The following FAM120C variants were observed in gnomAD, a reference collection of about 807,000 sequenced individuals.
The protein encoded by FAM120C is family with sequence similarity 120 member C.
A neutral mutation model predicts 71.2 loss-of-function variants in FAM120C; 14 were observed. The ratio of observed to expected loss-of-function variants is 0.20; its 90% CI spans 0.13 to 0.31. The LOEUF is 0.31. Ranked by LOEUF, FAM120C falls within the 10% of genes least tolerant of loss-of-function variation. The pLI is 1.00. For synonymous variants in FAM120C, 354 were observed against 353.2 expected (o/e 1.00, Z -0.03); for missense variants, 500 against 879.0 (o/e 0.57, Z 5.45).
intron 1 of FAM120C, among the ~76,000 whole-genome samples, chrX:54,181,650 T>C (rs2067350499): frequency 9.0e-6 from 1 of 111,716 alleles, no homozygotes; most frequent in African/African-American, 3.3e-5. Context: ...CTCATTCAAA[T>C]CCAATCCACC....
chrX:54,143,802 C>G (rs1557132036), intron 4 of FAM120C, among the ~76,000 whole-genome samples: 2 of 111,829 alleles, frequency 1.8e-5, no homozygotes, highest in Non-Finnish European at 3.8e-5. Flanking sequence ...GGAATCCTCC[C>G]TAACTCATTT....
chrX:54,086,906 A>G (rs1557122033), intron 12 of FAM120C, among the ~76,000 whole-genome samples: 1 of 110,769 alleles, frequency 9.0e-6, no homozygotes, highest in East Asian at 2.8e-4. Flanking sequence ...ATAGCGCAAA[A>G]AACTATGGAT....
intron 1 of FAM120C, among the ~76,000 whole-genome samples, chrX:54,160,760 T>C (rs2067232452): frequency 9.0e-6 from 1 of 111,371 alleles, no homozygotes; most frequent in African/African-American, 3.3e-5. Context: ...ACAACAACCT[T>C]GTGAGGGCAT....
chrX:54,163,429 A>G lies in FAM120C; in HGVS notation c.700-3813T>C, dbSNP rs374788082. On this transcript the variant is annotated intron_variant, in intron 1 of 15. Transcript: ENST00000375180. ...AAACAAGCCAGACACAAAAAGCCAT[A>G]TATTGTATGACTTCTTTCATATGAG... Among the ~76,000 whole-genome samples, 17 of 112,385 alleles carry G rather than the reference A, an allele frequency of 1.5e-4. No individual in the cohort carries two copies. The South Asian group carries it at 6.3e-3, about 41-fold the overall frequency.
intron 15 of FAM120C, among the ~76,000 whole-genome samples, chrX:54,076,309 A>ATG (rs1156803246): frequency 1.9e-5 from 2 of 107,700 alleles, no homozygotes; most frequent in Non-Finnish European, 3.8e-5. Context: ...AGCCTGAGTG[A>ATG]TGGAGCAAGA....
chrX:54,179,505 A>G (rs782253721), intron 1 of FAM120C, among the ~76,000 whole-genome samples: 5 of 111,980 alleles, frequency 4.5e-5, no homozygotes, highest in African/African-American at 9.7e-5. Flanking sequence ...GGAAACCACA[A>G]TCGGTTATTA....
At chrX:54,143,412 C>T (rs2067137325) in intron 4 of FAM120C, among the ~76,000 whole-genome samples, 1 of 110,621 alleles carries the variant, frequency 9.0e-6, no homozygotes, top group Non-Finnish European at 1.9e-5. Flanking sequence ...AATTGATAGA[C>T]CGCTAGCAAG....
At chrX:54,149,055 T>C (rs1251838125) in intron 4 of FAM120C, among the ~76,000 whole-genome samples, 1 of 112,142 alleles carries the variant, frequency 8.9e-6, no homozygotes, top group Non-Finnish European at 1.9e-5. Flanking sequence ...AACATACACT[T>C]ACCACATGAC....
intron 3 of FAM120C, among the ~76,000 whole-genome samples, chrX:54,156,518 C>A (rs1188161899): frequency 9.3e-6 from 1 of 107,382 alleles, no homozygotes; most frequent in Non-Finnish European, 1.9e-5. Flanking sequence ...AGCCACCGTG[C>A]CCTGGCTGCA....
chrX:54,136,437 C>T, intron 5 of FAM120C, 54 bp downstream of exon 5: 1 of 908,689 alleles, frequency 1.1e-6, no homozygotes. Flanking sequence ...TCCTGAGGGA[C>T]CAACTCAGTT....
At position 54,072,826 on chromosome X, in the gene FAM120C, T is replaced by C; in HGVS notation, c.*207A>G. 1 of 404,176 alleles carries C rather than the reference T, an allele frequency of 2.5e-6. No individual in the cohort carries two copies. Among genetic ancestry groups the C allele is most frequent in the Non-Finnish European group, 4.2e-6 (1 of 239,755 alleles). 33.3% of individuals were successfully genotyped at this position (404,176 alleles called of 1,213,427 possible). A position where few individuals can be genotyped will look rare whatever the true frequency, so the allele number is the denominator to read the frequency against. ...ACCTAGTCTTACTGCCATTCATCTT[T>C]GACCAGAACTTCTCCAGAAACAGAC... On this transcript the variant is annotated 3_prime_UTR_variant, in exon 16 of 16. Coordinates refer to ENST00000375180, the MANE Select transcript of FAM120C (RefSeq NM_017848.6).
chrX:54,132,615 G>T, intron 9 of FAM120C, 77 bp downstream of exon 9: 2 of 844,918 alleles, frequency 2.4e-6, no homozygotes, highest in South Asian at 3.3e-5. Context: ...CATAGCCAAA[G>T]GTACCCAATG....
At chrX:54,167,895 G>A (rs2067268210) in intron 1 of FAM120C, among the ~76,000 whole-genome samples, 1 of 107,761 alleles carries the variant, frequency 9.3e-6, no homozygotes, top group South Asian at 4.2e-4. Context: ...TTGAACCCGG[G>A]AGGTGGAGGT....
intron 10 of FAM120C, among the ~76,000 whole-genome samples, chrX:54,103,144 C>T (rs1557124355): frequency 8.9e-6 from 1 of 111,792 alleles, no homozygotes; most frequent in Non-Finnish European, 1.9e-5. Context: ...ATTTTATATT[C>T]TTTTTTTCTA....
At chrX:54,143,909 C>A (rs1451298868) in intron 4 of FAM120C, among the ~76,000 whole-genome samples, 2 of 111,690 alleles carry the variant, frequency 1.8e-5, no homozygotes, top group East Asian at 5.6e-4. Flanking sequence ...ATGCAAAAAT[C>A]CTCAATAAAA....
intron 1 of FAM120C, among the ~76,000 whole-genome samples, chrX:54,172,064 T>C (rs1226709193): frequency 1.8e-5 from 2 of 112,625 alleles, no homozygotes; most frequent in Non-Finnish European, 3.8e-5. Flanking sequence ...TCTTGCCAAA[T>C]GAGTTTCCCA....
chrX:54,151,125 G>T, intron 4 of FAM120C, 120 bp downstream of exon 4: 1 of 813,384 alleles, frequency 1.2e-6, no homozygotes, highest in Non-Finnish European at 1.8e-6. Context: ...TCATTTGTAA[G>T]CATGGAGAAG....
chrX:54,091,247 A>C, intron 11 of FAM120C, 65 bp downstream of exon 11: 1 of 760,863 alleles, frequency 1.3e-6, no homozygotes, highest in African/African-American at 2.1e-5. Flanking sequence ...AGGAAAAAAA[A>C]AAGACCTAAA....
At chrX:54,178,902 A>G (rs2067332915) in intron 1 of FAM120C, among the ~76,000 whole-genome samples, 1 of 112,120 alleles carries the variant, frequency 8.9e-6, no homozygotes, top group Non-Finnish European at 1.9e-5. Flanking sequence ...ATTTTATGTA[A>G]TCATAATCAT....
Sources: gnomAD v4.1 joint callset for allele counts (sites outside exome capture counted in the v4.1 genomes callset) on GRCh38, gnomAD v4.1.1 for gene constraint, MANE v1.5 for transcripts, NCBI Gene and HGNC (gene_info 2026-07-23, HGNC 2026-07-21) for gene names.